JMJD1C: variants seen among roughly 807,000 people sequenced by gnomAD.
JMJD1C encodes jumonji domain-containing protein 1C.
In JMJD1C, 31 loss-of-function variants were observed where a neutral mutation model predicts 245.3. The ratio of observed to expected loss-of-function variants is 0.13; its 90% CI spans 0.09 to 0.17. The LOEUF (loss-of-function observed/expected upper bound fraction) is 0.17. JMJD1C is among the 10% of genes least tolerant of loss of function. The probability of loss-of-function intolerance (pLI) is 1.00; values close to 1 mark genes in which losing one functional copy is unlikely to be tolerated. For missense variants in JMJD1C, 2,691 were observed against 3,000.2 expected, an observed-to-expected ratio of 0.90 and a Z score of 2.41; for synonymous variants, 1,057 against 1,017.4, an observed-to-expected ratio of 1.04 and a Z score of -0.74.
intron 22 of JMJD1C, 21 bp downstream of exon 22, chr10:63,183,426 T>C (rs1843725788): frequency 6.3e-7 from 1 of 1,595,050 alleles, no homozygotes; most frequent in Non-Finnish European, 8.6e-7. Context: ...TTTCAAAGAC[T>C]ACTTATTCTT....
chr10:63,249,777 T>C (rs1210066712), intron 3 of JMJD1C, among the ~76,000 whole-genome samples: 1 of 151,970 alleles, frequency 6.6e-6, no homozygotes, highest in African/African-American at 2.4e-5. Context: ...GGAGAATCGC[T>C]TTAATCCGGG....
chr10:63,512,417 T>G (rs1369889535), intron 1 of JMJD1C, among the ~76,000 whole-genome samples: 1 of 152,162 alleles, frequency 6.6e-6, no homozygotes, highest in Non-Finnish European at 1.5e-5. Context: ...TCACTTTGAG[T>G]AAGTCTTTAT....
intron 2 of JMJD1C, among the ~76,000 whole-genome samples, chr10:63,291,686 G>A (rs574285973): frequency 1.3e-5 from 2 of 151,478 alleles, no homozygotes; most frequent in African/African-American, 4.8e-5. Flanking sequence ...ACTATTCACA[G>A]GCATGATCAC....
chr10:63,178,244 T>C (rs941835647), intron 22 of JMJD1C, among the ~76,000 whole-genome samples: 1 of 152,150 alleles, frequency 6.6e-6, no homozygotes, highest in African/African-American at 2.4e-5. Context: ...CCTGGCCAGA[T>C]CAGTACTCTT....
intron 1 of JMJD1C, among the ~76,000 whole-genome samples, chr10:63,479,724 T>C (rs1349274699): frequency 6.6e-6 from 1 of 152,212 alleles, no homozygotes; most frequent in African/African-American, 2.4e-5. Context: ...CAGTTTCAAT[T>C]TTTTGGCAAA....
At chr10:63,227,652 G>A (rs10822149) in intron 3 of JMJD1C, among the ~76,000 whole-genome samples, 64,952 of 151,950 alleles carry the variant, frequency 0.43, 14,515 homozygotes, top group South Asian at 0.53. Flanking sequence ...CATCCAGTGT[G>A]CTTTCTTAAA....
In JMJD1C at chr10:63,349,259, A is replaced by G. The variant is rs374101507; in HGVS notation, c.333+31059T>C. 2.6e-5 allele frequency among the ~76,000 whole-genome samples: 4 copies of G among 152,134 alleles called. No homozygotes were observed. In the South Asian group the frequency reaches 8.3e-4, roughly 32 times the overall value. On this transcript the variant is annotated intron_variant, in intron 2 of 25. Transcript: ENST00000399262. ...AGTCTGCACAACCATGAGCCAAAAAAACTTCTTTTCTTTATAAATTACCCA... is the reference window on the plus strand; with the variant it reads ...AGTCTGCACAACCATGAGCCAAAAAGACTTCTTTTCTTTATAAATTACCCA...
chr10:63,183,698 A>G (rs1843749591), intron 21 of JMJD1C, 129 bp from the exon 22 acceptor site: 1 of 513,244 alleles, frequency 1.9e-6, no homozygotes, highest in Non-Finnish European at 3.2e-6. Context: ...CCTTATTACA[A>G]AAACCTGTTC....
intron 2 of JMJD1C, among the ~76,000 whole-genome samples, chr10:63,270,857 A>G (rs1856210367): frequency 6.6e-6 from 1 of 152,172 alleles, no homozygotes; most frequent in Non-Finnish European, 1.5e-5. Flanking sequence ...CAGAGATGGA[A>G]TGGAATATAA....
At chr10:63,509,590 T>C (rs1199727316) in intron 1 of JMJD1C, among the ~76,000 whole-genome samples, 2 of 152,252 alleles carry the variant, frequency 1.3e-5, no homozygotes, top group Non-Finnish European at 2.9e-5. Context: ...CTTTGCTAGA[T>C]ACAGGCCTAT....
chr10:63,435,796 G>A (rs1193772680), intron 1 of JMJD1C, among the ~76,000 whole-genome samples: 1 of 152,194 alleles, frequency 6.6e-6, no homozygotes, highest in African/African-American at 2.4e-5. Flanking sequence ...CTACGCAGGA[G>A]GCTGAGATAT....
chr10:63,222,760 TG>T, intron 3 of JMJD1C: 1 of 1,502,886 alleles, frequency 6.7e-7, no homozygotes, highest in Non-Finnish European at 9.3e-7. Flanking sequence ...CACTGAAAAC[TG>T]AAACTAATTT....
chr10:63,343,343 G>GT (rs1468715755), intron 2 of JMJD1C, among the ~76,000 whole-genome samples: 1 of 150,336 alleles, frequency 6.7e-6, no homozygotes, highest in African/African-American at 2.5e-5. Flanking sequence ...TTCAGCCTGG[G>GT]TGACAAGAGT....
At chr10:63,328,175 T>A (rs1284987869) in intron 2 of JMJD1C, among the ~76,000 whole-genome samples, 4 of 151,846 alleles carry the variant, frequency 2.6e-5, no homozygotes, top group Non-Finnish European at 5.9e-5. Flanking sequence ...CTTTGGAGGC[T>A]GAGGCAGGAG....
intron 2 of JMJD1C, among the ~76,000 whole-genome samples, chr10:63,353,673 G>A (rs543653622): frequency 8.0e-5 from 12 of 149,356 alleles, no homozygotes; most frequent in African/African-American, 2.7e-4. Flanking sequence ...GCACCACCAC[G>A]CCCAGTTATT....
intron 10 of JMJD1C, chr10:63,204,085 C>G (rs780016506): frequency 5.6e-6 from 5 of 888,104 alleles, no homozygotes; most frequent in Non-Finnish European, 6.7e-6. Context: ...TGTGAATATC[C>G]ACTGCACTCC....
At chr10:63,515,376 G>A (rs1170412633) in intron 1 of JMJD1C, among the ~76,000 whole-genome samples, 1 of 152,128 alleles carries the variant, frequency 6.6e-6, no homozygotes, top group Non-Finnish European at 1.5e-5. Flanking sequence ...CAGCGTAAGA[G>A]GATTTTTCTC....
chr10:63,270,588 T>C (rs1167493804), intron 2 of JMJD1C, among the ~76,000 whole-genome samples: 2 of 152,046 alleles, frequency 1.3e-5, no homozygotes, highest in African/African-American at 4.8e-5. Context: ...GACCTCAGCC[T>C]GCCATGTAGA....
chr10:63,508,807 A>T (rs1954794069), intron 1 of JMJD1C, among the ~76,000 whole-genome samples: 1 of 152,222 alleles, frequency 6.6e-6, no homozygotes, highest in Admixed American at 6.5e-5. Context: ...AGAAAGTGAT[A>T]GTGGTTTACA....
Sources: allele counts gnomAD v4.1 joint callset (sites outside exome capture counted in the v4.1 genomes callset), GRCh38; gene constraint gnomAD v4.1.1; transcripts MANE v1.5; gene names NCBI Gene and HGNC (gene_info 2026-07-23, HGNC 2026-07-21).